RAB38: variants seen among roughly 807,000 people sequenced by gnomAD.
RAB38 encodes RAB38, member RAS oncogene family, also known as ras-related protein Rab-38.
A neutral mutation model predicts 18.4 loss-of-function variants in RAB38; 15 were observed. The ratio of observed to expected loss-of-function variants is 0.82; its 90% confidence interval spans 0.55 to 1.26. The LOEUF is 1.26. Among genes scored for constraint, RAB38 ranks in the 50% most tolerant of loss-of-function variants. The pLI, the probability that RAB38 is intolerant of heterozygous loss-of-function variation, is 0.00. For synonymous variants in RAB38, 101 were observed against 104.4 expected (o/e 0.97, Z 0.20); for missense variants, 294 against 267.4 (o/e 1.10, Z -0.69).
the RAB38 span, among the ~76,000 whole-genome samples, chr11:87,952,916 G>A: frequency 1.9e-4 from 29 of 152,038 alleles, no homozygotes; most frequent in Non-Finnish European, 4.0e-4. Context: ...CTGTGTTTGT[G>A]TCTTTATTAT....
chr11:87,974,043 T>C, the RAB38 span, among the ~76,000 whole-genome samples: 2 of 151,890 alleles, frequency 1.3e-5, no homozygotes, highest in Non-Finnish European at 2.9e-5. Flanking sequence ...CATAACTCAA[T>C]ACCCCTACCA....
chr11:88,135,763 C>T (rs748159653), intron 2 of RAB38, among the ~76,000 whole-genome samples: 137 of 152,272 alleles, frequency 9.0e-4, no homozygotes, highest in Non-Finnish European at 1.3e-3. Flanking sequence ...CCATAACGAG[C>T]CTTTTGCGAT....
At chr11:88,105,362 T>G in the RAB38 span, among the ~76,000 whole-genome samples, 1 of 152,134 alleles carries the variant, frequency 6.6e-6, no homozygotes, top group African/African-American at 2.4e-5. Context: ...ATACTTGAAG[T>G]AAAGCTGCCA....
chr11:88,116,574 T>A (rs1942555744), intron 2 of RAB38, among the ~76,000 whole-genome samples: 1 of 152,216 alleles, frequency 6.6e-6, no homozygotes, highest in South Asian at 2.1e-4. Context: ...CTTTCTGACA[T>A]CAAAGCCTGG....
the RAB38 span, among the ~76,000 whole-genome samples, chr11:87,955,253 C>CCAAA: frequency 6.6e-6 from 1 of 152,124 alleles, no homozygotes; most frequent in African/African-American, 2.4e-5. Context: ...TCCAGCAAAT[C>CCAAA]CAAATTATAA....
the RAB38 span, among the ~76,000 whole-genome samples, chr11:87,924,516 G>A: frequency 6.6e-5 from 10 of 152,066 alleles, no homozygotes; most frequent in South Asian, 2.1e-3. Context: ...TTTTGATGGA[G>A]AAAGGGCCTT....
At chr11:87,949,089 G>T in the RAB38 span, among the ~76,000 whole-genome samples, 9 of 152,154 alleles carry the variant, frequency 5.9e-5, no homozygotes, top group East Asian at 1.9e-4. Flanking sequence ...TCTATTAAGA[G>T]ATTCAACTTC....
the RAB38 span, among the ~76,000 whole-genome samples, chr11:87,909,317 A>G: frequency 9.3e-6 from 1 of 107,522 alleles, no homozygotes; most frequent in African/African-American, 2.7e-5. Context: ...TGCCCTTCCT[A>G]TGTGCCACAG....
At chr11:87,956,774 C>T in the RAB38 span, among the ~76,000 whole-genome samples, 14 of 151,970 alleles carry the variant, frequency 9.2e-5, no homozygotes, top group South Asian at 8.3e-4. Context: ...TCATAAGACC[C>T]GCATTCCAGA....
the RAB38 span, among the ~76,000 whole-genome samples, chr11:87,929,036 A>G: frequency 1.3e-5 from 2 of 152,098 alleles, no homozygotes; most frequent in Non-Finnish European, 2.9e-5. Context: ...AATCTCTTGA[A>G]TTCAGGAAGT....
chr11:88,046,102 C>T, the RAB38 span, among the ~76,000 whole-genome samples: 2 of 152,150 alleles, frequency 1.3e-5, no homozygotes, highest in Non-Finnish European at 2.9e-5. Flanking sequence ...TCTACTCCCT[C>T]CTTGGTGACT....
chr11:87,826,617 C>T, the RAB38 span, among the ~76,000 whole-genome samples: 2 of 152,252 alleles, frequency 1.3e-5, no homozygotes, highest in Admixed American at 6.5e-5. Flanking sequence ...AGTCAATTTG[C>T]TAACTGCTTT....
the RAB38 span, among the ~76,000 whole-genome samples, chr11:87,937,335 T>TATATATATAC: frequency 9.9e-6 from 1 of 100,612 alleles, no homozygotes; most frequent in Non-Finnish European, 2.1e-5. Context: ...TATATATATA[T>TATATATATAC]ATATATATAT....
At chr11:88,160,941 C>T (rs572090169) in intron 1 of RAB38, among the ~76,000 whole-genome samples, 8 of 151,978 alleles carry the variant, frequency 5.3e-5, no homozygotes, top group East Asian at 3.9e-4. Flanking sequence ...AATATACCTA[C>T]GTCTATGTCA....
chr11:87,880,710 G>C, the RAB38 span, among the ~76,000 whole-genome samples: 1 of 151,748 alleles, frequency 6.6e-6, no homozygotes, highest in African/African-American at 2.4e-5. Context: ...TACCTTCCAA[G>C]ATAATAGTTC....
chr11:88,025,320 T>G, the RAB38 span, among the ~76,000 whole-genome samples: 8 of 152,180 alleles, frequency 5.3e-5, no homozygotes, highest in Admixed American at 2.6e-4. Context: ...TTTGCTACTG[T>G]GAATAGTACA....
the RAB38 span, among the ~76,000 whole-genome samples, chr11:88,052,921 TATATATATATATA>T: frequency 0.031 from 792 of 25,340 alleles, 61 homozygotes; most frequent in African/African-American, 0.12. Context: ...TATATATATA[TATATATATATATA>T]TATATATATA....
At chr11:87,892,519 C>A in the RAB38 span, among the ~76,000 whole-genome samples, 1 of 151,796 alleles carries the variant, frequency 6.6e-6, no homozygotes, top group South Asian at 2.1e-4. Context: ...TTCTCCTGCT[C>A]AAAGCTTTTC....
the RAB38 span, among the ~76,000 whole-genome samples, chr11:87,836,704 T>A: frequency 1.3e-5 from 2 of 152,232 alleles, no homozygotes; most frequent in African/African-American, 2.4e-5. Flanking sequence ...ACAGGGATTT[T>A]GTGGCATAGT....
Sources: allele counts gnomAD v4.1 joint callset (sites outside exome capture counted in the v4.1 genomes callset), GRCh38; gene constraint gnomAD v4.1.1; transcripts MANE v1.5; gene names NCBI Gene and HGNC (gene_info 2026-07-23, HGNC 2026-07-21).